SYK: variants seen among roughly 807,000 people sequenced by gnomAD.
SYK encodes spleen associated tyrosine kinase, also known as tyrosine-protein kinase SYK.
Under a neutral mutation model 77.8 loss-of-function variants are expected in SYK, and 16 were observed. The observed-to-expected ratio is 0.21, with a 90% CI of 0.14 to 0.31. The LOEUF (loss-of-function observed/expected upper bound fraction) is 0.31. Among genes scored for constraint, SYK ranks in the 10% least tolerant of loss-of-function variants. SYK has a pLI of 1.00. For synonymous variants in SYK, 312 were observed against 308.7 expected (o/e 1.01, Z -0.11); for missense variants, 529 against 814.4 (o/e 0.65, Z 4.26).
chr9:90,861,900 T>TA, intron 3 of SYK, among the ~76,000 whole-genome samples: 1 of 152,348 alleles, frequency 6.6e-6, no homozygotes, highest in Middle Eastern at 3.4e-3. Context: ...CACCAGGCTC[T>TA]CCTGACCACT....
chr9:90,880,023 A>G (rs562046206), intron 11 of SYK, among the ~76,000 whole-genome samples: 18 of 152,360 alleles, frequency 1.2e-4, no homozygotes, highest in African/African-American at 4.3e-4. Context: ...TGAGTCAAAG[A>G]GGGTGCCGAA....
At chr9:90,840,891 G>A (rs946593090) in intron 1 of SYK, among the ~76,000 whole-genome samples, 1 of 152,184 alleles carries the variant, frequency 6.6e-6, no homozygotes, top group Non-Finnish European at 1.5e-5. Context: ...GACACCGTCT[G>A]GGGAAAACTC....
chr9:90,850,670 G>C (rs1283204050), intron 3 of SYK, among the ~76,000 whole-genome samples: 2 of 151,654 alleles, frequency 1.3e-5, no homozygotes, highest in Non-Finnish European at 2.9e-5. Context: ...CACTTTCATC[G>C]TGAGTACCAA....
At chr9:90,874,177 C>A in intron 7 of SYK, 27 bp from the exon 8 acceptor site, 1 of 1,583,562 alleles carries the variant, frequency 6.3e-7, no homozygotes. Flanking sequence ...TGAAGAAAAA[C>A]AACCTGTTGT....
chr9:90,885,203 A>G (rs1828516890), intron 11 of SYK, among the ~76,000 whole-genome samples: 1 of 152,086 alleles, frequency 6.6e-6, no homozygotes, highest in Non-Finnish European at 1.5e-5. Context: ...ACAAAACCCC[A>G]GATGAACAAT....
At chr9:90,844,404 G>A in intron 2 of SYK, 89 bp downstream of exon 2, 1 of 1,346,020 alleles carries the variant, frequency 7.4e-7, no homozygotes, top group Non-Finnish European at 9.8e-7. Context: ...ATGTGCCTAT[G>A]TGCCCTGTGT....
chr9:90,840,847 T>TA (rs1826281137), intron 1 of SYK, among the ~76,000 whole-genome samples: 2 of 152,336 alleles, frequency 1.3e-5, no homozygotes, highest in African/African-American at 4.8e-5. Context: ...CATGCCTCAT[T>TA]AGGGGCTCGC....
intron 9 of SYK, among the ~76,000 whole-genome samples, chr9:90,875,705 A>G (rs1827899963): frequency 6.6e-6 from 1 of 152,214 alleles, no homozygotes; most frequent in Admixed American, 6.5e-5. Context: ...TCAGATAACA[A>G]TACATATTAT....
chr9:90,824,302 A>T (rs1825603528), intron 1 of SYK, among the ~76,000 whole-genome samples: 1 of 152,314 alleles, frequency 6.6e-6, no homozygotes, highest in African/African-American at 2.4e-5. Context: ...ATTCTGTCAA[A>T]CACTTAAGAA....
chr9:90,811,160 T>C (rs1178692864), intron 1 of SYK, among the ~76,000 whole-genome samples: 1 of 152,202 alleles, frequency 6.6e-6, no homozygotes, highest in African/African-American at 2.4e-5. Context: ...TTGATAAGCA[T>C]GATTTCCTAA....
chr9:90,897,088 T>C lies in SYK; in HGVS notation c.*1488T>C, dbSNP rs1829019445. On this transcript the variant is annotated 3_prime_UTR_variant, in exon 14 of 14. Coordinates refer to ENST00000375754, the MANE Select transcript of SYK (RefSeq NM_003177.7). ...TAGCCATCATTCTTATGCCAGCAGA[T>C]ATAAATAAACTTGGACCCATCTGGT... 1 of 225,300 alleles carries C rather than the reference T, an allele frequency of 4.4e-6. No homozygotes were observed. Among genetic ancestry groups the C allele is most frequent in the South Asian group, 1.8e-4 (1 of 5,448 alleles). The allele number at this position is 225,300 out of a possible 1,614,324, so 14.0% of individuals were successfully genotyped here. A position where few individuals can be genotyped will look rare whatever the true frequency, so the allele number is the denominator to read the frequency against.
At chr9:90,855,831 A>G (rs1452129708) in intron 3 of SYK, among the ~76,000 whole-genome samples, 2 of 152,122 alleles carry the variant, frequency 1.3e-5, no homozygotes, top group Non-Finnish European at 2.9e-5. Flanking sequence ...TTCCATTTGC[A>G]TTCCTGCCAA....
chr9:90,849,749 A>G (rs1342004175), intron 3 of SYK, among the ~76,000 whole-genome samples: 1 of 152,222 alleles, frequency 6.6e-6, no homozygotes, highest in Admixed American at 6.5e-5. Context: ...GCTCCACCTT[A>G]TCACCAGCTA....
chr9:90,821,087 G>A (rs915122889), intron 1 of SYK, among the ~76,000 whole-genome samples: 6 of 152,082 alleles, frequency 3.9e-5, no homozygotes, highest in Admixed American at 3.3e-4. Flanking sequence ...ATCTCCATCT[G>A]AGACTGCCTC....
intron 13 of SYK, among the ~76,000 whole-genome samples, chr9:90,890,487 G>A (rs527879026): frequency 1.4e-4 from 22 of 152,176 alleles, no homozygotes; most frequent in Non-Finnish European, 2.4e-4. Flanking sequence ...GTATTTTCCC[G>A]CCTGGAGATT....
chr9:90,830,581 CTTTTTT>C (rs57804863), intron 1 of SYK, among the ~76,000 whole-genome samples: 8 of 111,564 alleles, frequency 7.2e-5, no homozygotes, highest in Non-Finnish European at 8.6e-5. Context: ...ACTCATTCCT[CTTTTTT>C]TTTTTTTTTT....
At chr9:90,878,698 G>A (rs1471472369) in intron 10 of SYK, 66 bp from the exon 11 acceptor site, 78 of 1,390,858 alleles carry the variant, frequency 5.6e-5, no homozygotes, top group Non-Finnish European at 7.6e-5. Context: ...TGCGTGAGGA[G>A]CATGGTTGTT....
chr9:90,887,827 G>T lies in SYK; in HGVS notation c.1660G>T (p.Asp554Tyr), dbSNP rs765007451. 6.2e-7 allele frequency: 1 copy of T among 1,613,534 alleles called. No homozygotes were observed. The highest frequency in any genetic ancestry group is 8.5e-7 in the Non-Finnish European group (1 of 1,179,770). ...INYYKFSSKS[D>Y]VWSFGVLMWE... ...CTACTACAAGTTCTCCAGCAAAAGC[G>T]ATGTCTGGAGCTTTGGAGTGTTGAT... is the stretch of plus-strand genomic sequence containing the variant. The change falls in exon 12 of 14, where the codon GAT becomes TAT. Residue 554 changes from aspartate (D) to tyrosine (Y), a missense_variant. Asp to Tyr is a radical substitution (Grantham distance 160). Transcript: ENST00000375754.
chr9:90,822,688 G>C (rs375986220), intron 1 of SYK, among the ~76,000 whole-genome samples: 1 of 152,168 alleles, frequency 6.6e-6, no homozygotes, highest in African/African-American at 2.4e-5. Context: ...GATGAGTCCA[G>C]GTGATATTGG....
Sources: gnomAD v4.1 joint callset for allele counts (sites outside exome capture counted in the v4.1 genomes callset) on GRCh38, gnomAD v4.1.1 for gene constraint, MANE v1.5 for transcripts, NCBI Gene and HGNC (gene_info 2026-07-23, HGNC 2026-07-21) for gene names.